The following OVCH1 variants were observed in gnomAD, a reference collection of about 807,000 sequenced individuals.
OVCH1 encodes ovochymase-1.
OVCH1 carries 139 observed loss-of-function variants against 138.4 expected under a neutral mutation model. The ratio of observed to expected loss-of-function variants is 1.00; its 90% CI spans 0.87 to 1.16. The LOEUF (loss-of-function observed/expected upper bound fraction) is 1.16. Among genes scored for constraint, OVCH1 ranks in the 50% most tolerant of loss-of-function variants. OVCH1 has a pLI of 0.00. For missense variants in OVCH1, 1,367 were observed against 1,357.9 expected (o/e 1.01, Z -0.11); for synonymous variants, 453 against 467.8 (o/e 0.97, Z 0.41).
At chr12:29,402,184 A>G in the OVCH1 span, among the ~76,000 whole-genome samples, 1 of 152,198 alleles carries the variant, frequency 6.6e-6, no homozygotes, top group African/African-American at 2.4e-5. Flanking sequence ...TTCATACAAT[A>G]CAACTTTAAT....
At chr12:29,455,534 A>G (rs1442829586) in intron 19 of OVCH1, 129 bp from the exon 20 acceptor site, 8 of 1,102,794 alleles carry the variant, frequency 7.3e-6, no homozygotes, top group Non-Finnish European at 9.8e-6. Context: ...TGTTTTGTCA[A>G]TTTCCATCTT....
At chr12:29,471,898 G>A in exon 16 of OVCH1, 2 of 1,613,532 alleles carry the variant, frequency 1.2e-6, no homozygotes, top group Non-Finnish European at 1.7e-6. Flanking sequence ...CACCTGCCAT[G>A]GCCAACAGTG....
intron 22 of OVCH1, among the ~76,000 whole-genome samples, chr12:29,447,697 C>T (rs1255418036): frequency 6.6e-6 from 1 of 151,670 alleles, no homozygotes; most frequent in Non-Finnish European, 1.5e-5. Context: ...ATGGATGATG[C>T]TGCTTTCATT....
At chr12:29,410,140 T>C (rs1421491509), downstream of OVCH1, among the ~76,000 whole-genome samples, 1 of 149,262 alleles carries the variant, frequency 6.7e-6, no homozygotes, top group East Asian at 2.0e-4. Context: ...CCCCTGCCTT[T>C]TTTTGTTTTC....
At chr12:29,440,263 G>A (rs567475093) in intron 25 of OVCH1, among the ~76,000 whole-genome samples, 2 of 152,136 alleles carry the variant, frequency 1.3e-5, no homozygotes, top group South Asian at 4.2e-4. Flanking sequence ...AAAACTTTTG[G>A]GGAGAAGGAA....
the OVCH1 span, among the ~76,000 whole-genome samples, chr12:29,405,054 AAAC>A: frequency 8.5e-3 from 972 of 114,134 alleles, 61 homozygotes; most frequent in East Asian, 0.014. Context: ...AAAAAAAAAA[AAAC>A]AAAAGAAATG....
At chr12:29,428,365 T>C (rs751017745) in intron 27 of OVCH1, among the ~76,000 whole-genome samples, 5 of 152,230 alleles carry the variant, frequency 3.3e-5, no homozygotes, top group Non-Finnish European at 5.9e-5. Flanking sequence ...ACCTCTATTA[T>C]AGGTTTTTCT....
At position 29,476,568 on chromosome 12, in the gene OVCH1, G is replaced by C. The variant is rs79492332; in HGVS notation, c.1378-269C>G. On this transcript the variant is annotated intron_variant, in intron 12 of 27. Transcript: ENST00000318184. ...ACTGGCAGATATTCATGGCACCATG[G>C]CTGGCATGACCAAAGACTGGAAGCT... 6.5e-3 allele frequency among the ~76,000 whole-genome samples: 997 copies of C among 152,240 alleles called. 7 individuals carry two copies. Among genetic ancestry groups the C allele is most frequent in the African/African-American group, 0.019 (804 of 41,544 alleles).
intron 3 of OVCH1, among the ~76,000 whole-genome samples, chr12:29,418,126 G>C (rs751249484): frequency 1.3e-5 from 2 of 152,090 alleles, no homozygotes; most frequent in Non-Finnish European, 2.9e-5. Flanking sequence ...AGGTGGGCAG[G>C]GTACTGTTAT....
chr12:29,447,468 C>G (rs1233284980), intron 22 of OVCH1, among the ~76,000 whole-genome samples: 2 of 152,074 alleles, frequency 1.3e-5, no homozygotes, highest in African/African-American at 4.8e-5. Context: ...AATTTAACTT[C>G]ATGCAAAAAA....
At chr12:29,440,867 G>T (rs1941467452) in intron 25 of OVCH1, 123 bp from the exon 26 acceptor site, 1 of 416,536 alleles carries the variant, frequency 2.4e-6, no homozygotes, top group Non-Finnish European at 4.8e-6. Flanking sequence ...GACCCTACCT[G>T]CATGGAGAGT....
intron 8 of OVCH1, among the ~76,000 whole-genome samples, chr12:29,482,686 C>T (rs1942972233): frequency 6.6e-6 from 1 of 152,216 alleles, no homozygotes; most frequent in African/African-American, 2.4e-5. Flanking sequence ...TCCTACAGTT[C>T]TGCTCAGTTC....
At chr12:29,408,905 C>T (rs147719672), downstream of OVCH1, among the ~76,000 whole-genome samples, 627 of 152,274 alleles carry the variant, frequency 4.1e-3, 5 homozygotes, top group African/African-American at 0.014. Flanking sequence ...CCTTGTACCT[C>T]CAGTAGAATT....
intron 3 of OVCH1, among the ~76,000 whole-genome samples, chr12:29,412,982 TA>T (rs565749891): frequency 1.8e-4 from 27 of 151,724 alleles, no homozygotes; most frequent in Admixed American, 5.9e-4. Flanking sequence ...ACTAACTAAC[TA>T]GTATAATACT....
At chr12:29,471,005 C>T (rs1942488146) in intron 16 of OVCH1, among the ~76,000 whole-genome samples, 1 of 152,066 alleles carries the variant, frequency 6.6e-6, no homozygotes, top group African/African-American at 2.4e-5. Flanking sequence ...TTGTTGGCCA[C>T]ATAAATGTCT....
exon 19 of OVCH1, chr12:29,461,923 A>T: frequency 6.2e-7 from 1 of 1,613,910 alleles, no homozygotes; most frequent in Non-Finnish European, 8.5e-7. Flanking sequence ...TCCCTCCTGG[A>T]TGGGCAGAAT....
At chr12:29,486,407 T>G (rs959386947) in intron 7 of OVCH1, 59 bp from the exon 8 acceptor site, 12 of 1,314,844 alleles carry the variant, frequency 9.1e-6, no homozygotes, top group Non-Finnish European at 1.3e-5. Flanking sequence ...AATAAAACAT[T>G]TTTAACAATG....
At chr12:29,479,840 T>TC (rs1314768453) in intron 8 of OVCH1, among the ~76,000 whole-genome samples, 1 of 148,398 alleles carries the variant, frequency 6.7e-6, no homozygotes, top group Non-Finnish European at 1.5e-5. Context: ...TTTTTTTTTT[T>TC]TGAGACTGAG....
At chr12:29,491,169 G>A (rs370877555) in exon 5 of OVCH1, 267 of 1,613,518 alleles carry the variant, frequency 1.7e-4, no homozygotes, top group Non-Finnish European at 2.2e-4. Flanking sequence ...CTGTCAGGAA[G>A]ACAGATTGGC....
Sources: allele counts gnomAD v4.1 joint callset (sites outside exome capture counted in the v4.1 genomes callset), GRCh38; gene constraint gnomAD v4.1.1; transcripts MANE v1.5; gene names NCBI Gene and HGNC (gene_info 2026-07-23, HGNC 2026-07-21).